GALNT1: variants seen among roughly 807,000 people sequenced by gnomAD.
The protein encoded by GALNT1 is polypeptide N-acetylgalactosaminyltransferase 1.
Under a neutral mutation model 65.7 loss-of-function variants are expected in GALNT1, and 17 were observed. The observed-to-expected ratio is 0.26, with a 90% confidence interval of 0.18 to 0.39. GALNT1 has a LOEUF of 0.39. Among genes scored for constraint, GALNT1 ranks in the 10% least tolerant of loss-of-function variants. The pLI is 1.00. For missense variants in GALNT1, 460 were observed against 672.8 expected (o/e 0.68, Z 3.50); for synonymous variants, 210 against 219.7 (o/e 0.96, Z 0.39).
intron 1 of GALNT1, among the ~76,000 whole-genome samples, chr18:35,593,538 G>A (rs1270060432): frequency 6.6e-6 from 1 of 152,034 alleles, no homozygotes; most frequent in Non-Finnish European, 1.5e-5. Flanking sequence ...TAAGGTATAT[G>A]AGAGTCACTG....
rs1280695047 is a variant in GALNT1, at chr18:35,692,115, C to G, written c.1160-66C>G. ...TCTGATTCATCTGGCTTATTAGATT[C>G]AATATATAAACATGTGTTACCTAAA... is the stretch of plus-strand genomic sequence containing the variant. On this transcript the variant is annotated intron_variant, in intron 8 of 11. Coordinates refer to ENST00000269195, the MANE Select transcript of GALNT1 (RefSeq NM_020474.4). 5 of 1,383,524 alleles carry G rather than the reference C, an allele frequency of 3.6e-6. No homozygotes were observed. In the African/African-American group the frequency reaches 5.8e-5, roughly 16 times the overall value. The allele number at this position is 1,383,524 out of a possible 1,614,324, so 85.7% of individuals were successfully genotyped here.
chr18:35,585,600 TTA>T (rs1331699861), intron 1 of GALNT1, among the ~76,000 whole-genome samples: 4 of 152,240 alleles, frequency 2.6e-5, no homozygotes, highest in Non-Finnish European at 5.9e-5. Context: ...CAAGATTTCC[TTA>T]TGTTTTTTTG....
chr18:35,623,306 G>C (rs921825368), intron 1 of GALNT1, among the ~76,000 whole-genome samples: 6 of 150,882 alleles, frequency 4.0e-5, no homozygotes, highest in Non-Finnish European at 8.9e-5. Flanking sequence ...TTTTTCCCCT[G>C]TACATACATT....
At chr18:35,649,919 T>C (rs2144358445) in intron 1 of GALNT1, among the ~76,000 whole-genome samples, 1 of 152,316 alleles carries the variant, frequency 6.6e-6, no homozygotes, top group Middle Eastern at 3.4e-3. Flanking sequence ...GGTGCACTGT[T>C]GTCACCAATA....
rs374506211 is a variant in GALNT1 at position 35,709,696 on chromosome 18, A to G, written c.1606A>G (p.Ser536Gly). Residue 536 changes from serine (S) to glycine (G), a missense_variant, in exon 12 of 12, where the codon AGC becomes GGC. Physicochemically the swap from Ser to Gly is moderately conservative, Grantham distance 56. Transcript: ENST00000269195. The stretch of plus-strand genomic sequence containing the variant: ...CACAGAAGAGGATAGCCAGGTGCCC[A>G]GCATTAGAGACTGCAATGGAAGTCG... ...KATEEDSQVP[S>G]IRDCNGSRSQ... 422 of 1,614,026 alleles carry G rather than the reference A, an allele frequency of 2.6e-4. No homozygotes were observed. The highest frequency in any genetic ancestry group is 3.4e-4 in the Non-Finnish European group (405 of 1,180,024).
chr18:35,635,687 T>G (rs555239389), intron 1 of GALNT1, among the ~76,000 whole-genome samples: 2 of 152,192 alleles, frequency 1.3e-5, no homozygotes, highest in South Asian at 2.1e-4. Flanking sequence ...AAACAATAAT[T>G]GATGGTAAAA....
intron 1 of GALNT1, among the ~76,000 whole-genome samples, chr18:35,610,402 T>TA (rs2144036337): frequency 6.6e-6 from 1 of 152,350 alleles, no homozygotes; most frequent in South Asian, 2.1e-4. Flanking sequence ...GAGCGTTCCT[T>TA]ACTGGCTGTC....
chr18:35,677,775 A>T lies in GALNT1; in HGVS notation c.481+18A>T, dbSNP rs1233826477. 1.3e-6 allele frequency: 2 copies of T among 1,575,934 alleles called. No individual in the cohort carries two copies. The highest frequency in any genetic ancestry group is 3.5e-5 in the Admixed American group (2 of 57,896). On this transcript the variant is annotated intron_variant, in intron 4 of 11. Coordinates refer to ENST00000269195, the MANE Select transcript of GALNT1 (RefSeq NM_020474.4). ...TGAAAGAGGTAAATTTTAAATTTTAATGCCAATAATTTGCTACACCTTTTG... is the reference window on the plus strand; with the variant it reads ...TGAAAGAGGTAAATTTTAAATTTTATTGCCAATAATTTGCTACACCTTTTG...
At chr18:35,581,492 C>G (rs1441160868), upstream of GALNT1, among the ~76,000 whole-genome samples, 5 of 144,942 alleles carry the variant, frequency 3.4e-5, no homozygotes, top group African/African-American at 1.2e-4. Flanking sequence ...CCGCCGCTGC[C>G]GCCGAGCACG....
chr18:35,644,903 A>G (rs2047209922), intron 1 of GALNT1, among the ~76,000 whole-genome samples: 2 of 152,086 alleles, frequency 1.3e-5, no homozygotes, highest in African/African-American at 4.8e-5. Context: ...AGGCAGGATA[A>G]TTGCTTGAAC....
At chr18:35,687,213 T>G (rs1414534696) in intron 6 of GALNT1, 27 bp downstream of exon 6, 2 of 1,602,704 alleles carry the variant, frequency 1.2e-6, no homozygotes, top group Non-Finnish European at 1.7e-6. Flanking sequence ...ACATTTTGCC[T>G]AAAGTGTTAT....
At chr18:35,708,128 G>GTTTA (rs1385793267) in intron 11 of GALNT1, among the ~76,000 whole-genome samples, 1 of 152,036 alleles carries the variant, frequency 6.6e-6, no homozygotes, top group Non-Finnish European at 1.5e-5. Flanking sequence ...GTCTCAAAGA[G>GTTTA]TTTAGGTTTT....
At chr18:35,605,362 A>T (rs2046632933) in intron 1 of GALNT1, among the ~76,000 whole-genome samples, 1 of 151,960 alleles carries the variant, frequency 6.6e-6, no homozygotes, top group Admixed American at 6.6e-5. Context: ...GCCGGGTGTG[A>T]TGATGGGCAT....
intron 1 of GALNT1, among the ~76,000 whole-genome samples, chr18:35,645,218 G>GTTTTGTTTT (rs2047214411): frequency 1.8e-5 from 1 of 54,326 alleles, no homozygotes; most frequent in African/African-American, 7.2e-5. Context: ...TATTTTGAAT[G>GTTTTGTTTT]TTTTTTTTTT....
At chr18:35,635,597 CA>C (rs952440908) in intron 1 of GALNT1, among the ~76,000 whole-genome samples, 20 of 152,292 alleles carry the variant, frequency 1.3e-4, no homozygotes, top group African/African-American at 4.3e-4. Context: ...TCGATTCATA[CA>C]GTTGAAATAC....
chr18:35,678,306 T>A lies in GALNT1; in HGVS notation c.481+549T>A, dbSNP rs549147197. On this transcript the variant is annotated intron_variant, in intron 4 of 11. Transcript: ENST00000269195. ...GATTAGGAAGGATGAAAAGGTGGGA[T>A]GTAATATGACTCTCATAGTAAATCT... Among the ~76,000 whole-genome samples, 4 of 152,016 alleles carry A rather than the reference T, an allele frequency of 2.6e-5. No homozygotes were observed. The East Asian group carries it at 7.7e-4, about 29-fold the overall frequency.
chr18:35,581,495 C>T (rs1402044683), upstream of GALNT1, among the ~76,000 whole-genome samples: 1 of 142,990 alleles, frequency 7.0e-6, no homozygotes, highest in African/African-American at 2.5e-5. Context: ...CCGCTGCCGC[C>T]GAGCACGCAG....
At chr18:35,709,565 C>A in intron 11 of GALNT1, 59 bp from the exon 12 acceptor site, 1 of 1,571,756 alleles carries the variant, frequency 6.4e-7, no homozygotes, top group Non-Finnish European at 8.7e-7. Flanking sequence ...ATCACCAAAA[C>A]TGATGCTTGA....
At chr18:35,705,874 C>T (rs1190881427) in intron 11 of GALNT1, among the ~76,000 whole-genome samples, 1 of 152,122 alleles carries the variant, frequency 6.6e-6, no homozygotes, top group Non-Finnish European at 1.5e-5. Context: ...AAGGTGGTTG[C>T]TGCAGCTTTA....
Sources: gnomAD v4.1 joint callset for allele counts (sites outside exome capture counted in the v4.1 genomes callset) on GRCh38, gnomAD v4.1.1 for gene constraint, MANE v1.5 for transcripts, NCBI Gene and HGNC (gene_info 2026-07-23, HGNC 2026-07-21) for gene names.